Variants in SLC7A2 observed in about 807,000 individuals in gnomAD.
SLC7A2 encodes the protein solute carrier family 7 member 2.
SLC7A2 carries 48 observed loss-of-function variants against 58.9 expected under a neutral mutation model. The ratio of observed to expected loss-of-function variants is 0.82; its 90% confidence interval spans 0.65 to 1.04. The LOEUF (loss-of-function observed/expected upper bound fraction) is 1.04. Among genes scored for constraint, SLC7A2 ranks in the 50% least tolerant of loss-of-function variants. SLC7A2 has a pLI of 0.00. For synonymous variants in SLC7A2, 363 were observed against 314.5 expected (o/e 1.15, Z -1.63); for missense variants, 1,029 against 818.8 (o/e 1.26, Z -3.13).
chr8:17,528,840 A>G (rs1312309629), intron 2 of SLC7A2, among the ~76,000 whole-genome samples: 1 of 152,180 alleles, frequency 6.6e-6, no homozygotes, highest in Non-Finnish European at 1.5e-5. Flanking sequence ...GGTAAGAGTT[A>G]TAGGAGGAGA....
intron 2 of SLC7A2, chr8:17,520,882 G>A (rs531885419): frequency 2.8e-5 from 6 of 215,512 alleles, no homozygotes; most frequent in Admixed American, 2.0e-4. Context: ...ATATTTAAGT[G>A]TCTTAAAAGC....
At chr8:17,530,599 G>T (rs1040344057) in intron 2 of SLC7A2, among the ~76,000 whole-genome samples, 6 of 149,266 alleles carry the variant, frequency 4.0e-5, no homozygotes, top group Non-Finnish European at 8.9e-5. Context: ...TTGAGACAGG[G>T]TCTCTCTCTG....
intron 4 of SLC7A2, among the ~76,000 whole-genome samples, chr8:17,546,577 T>C (rs1372703542): frequency 2.0e-5 from 3 of 152,226 alleles, no homozygotes; most frequent in Non-Finnish European, 4.4e-5. Context: ...TAAAGGTGGC[T>C]TTGTTATTCT....
chr8:17,524,286 G>A (rs1260473777), intron 2 of SLC7A2, among the ~76,000 whole-genome samples: 1 of 152,088 alleles, frequency 6.6e-6, no homozygotes. Flanking sequence ...GTCATTATAT[G>A]AAAAAGATAC....
rs183980837 is a variant in SLC7A2, at chr8:17,543,182, C to G, written c.-22-136C>G. 91 of 791,076 alleles carry G rather than the reference C, an allele frequency of 1.2e-4. No individual in the cohort carries two copies. In the African/African-American group the frequency reaches 1.4e-3, roughly 12 times the overall value. 49.0% of individuals were successfully genotyped at this position (791,076 alleles called of 1,614,324 possible). On this transcript the variant is annotated intron_variant, in intron 2 of 12. Coordinates refer to ENST00000494857, the MANE Select transcript of SLC7A2 (RefSeq NM_001370338.1). ...CTCTGGGTCACTGCATCTCTTCTAACAAGTGAAACACACACACACACACAC... is the reference window on the plus strand; with the variant it reads ...CTCTGGGTCACTGCATCTCTTCTAAGAAGTGAAACACACACACACACACAC...
At position 17,538,949 on chromosome 8, in the gene SLC7A2, T is replaced by G. The variant is rs772742992; in HGVS notation, c.-22-4369T>G. ...TAAGATTTATTGTCAGGGCCTGGGA[T>G]ACTGATATAGAAGATTAAGTTTGAA... is the stretch of plus-strand genomic sequence containing the variant. On this transcript the variant is annotated intron_variant, in intron 2 of 12. Transcript: ENST00000494857. The G allele has an allele frequency of 1.9e-6, 3 of 1,600,156 alleles. No homozygotes were observed. In the South Asian group the frequency reaches 3.3e-5, roughly 18 times the overall value.
chr8:17,523,658 T>C (rs1167342976), intron 2 of SLC7A2, among the ~76,000 whole-genome samples: 1 of 152,138 alleles, frequency 6.6e-6, no homozygotes, highest in African/African-American at 2.4e-5. Flanking sequence ...ATCATAAAAG[T>C]TCTAGAAGAT....
Position 17,568,432 on chromosome 8 carries a change from A to G in SLC7A2, c.*3286A>G, listed in dbSNP as rs910620246. On this transcript the variant is annotated 3_prime_UTR_variant, in exon 13 of 13. Transcript: ENST00000494857. The stretch of plus-strand genomic sequence containing the variant: ...GATAAACATTGAGAGAACGAAAGCC[A>G]AAGTGTCATTTAAGAGAGATATATA... 1 of 152,146 alleles carries G rather than the reference A, an allele frequency of 6.6e-6. No homozygotes were observed. Among genetic ancestry groups the G allele is most frequent in the Non-Finnish European group, 1.5e-5 (1 of 68,016 alleles). The allele number at this position is 152,146 out of a possible 1,614,324, so 9.4% of individuals were successfully genotyped here.
chr8:17,537,046 A>G (rs1050855316), intron 2 of SLC7A2, among the ~76,000 whole-genome samples: 1 of 152,012 alleles, frequency 6.6e-6, no homozygotes, highest in Non-Finnish European at 1.5e-5. Flanking sequence ...TGAACACTGT[A>G]TGGCTTCTTT....
chr8:17,510,900 C>G (rs1217347270), intron 2 of SLC7A2: 1 of 152,164 alleles, frequency 6.6e-6, no homozygotes, highest in Non-Finnish European at 1.5e-5. Flanking sequence ...CACATATACA[C>G]CATGGAATAC....
At chr8:17,495,250 A>AT (rs1005463455), upstream of SLC7A2, among the ~76,000 whole-genome samples, 6 of 151,844 alleles carry the variant, frequency 4.0e-5, no homozygotes, top group Middle Eastern at 3.4e-3. Context: ...AGGAATCTCT[A>AT]TTTTTTTTAA....
intron 10 of SLC7A2, 59 bp from the exon 11 acceptor site, chr8:17,561,885 C>T: frequency 6.5e-7 from 1 of 1,544,070 alleles, no homozygotes; most frequent in Non-Finnish European, 8.9e-7. Context: ...CTGTTTTGCA[C>T]CAAGCAATCT....
chr8:17,496,796 G>C (rs7830597), upstream of SLC7A2, among the ~76,000 whole-genome samples: 2 of 151,944 alleles, frequency 1.3e-5, no homozygotes, highest in Non-Finnish European at 1.5e-5. Context: ...TTGAGGTTTG[G>C]TCCTCCCAGG....
chr8:17,562,643 A>G lies in SLC7A2; in HGVS notation c.1671+533A>G, dbSNP rs1328873622. On this transcript the variant is annotated intron_variant, in intron 11 of 12. Transcript: ENST00000494857. ...AATGAGAGTGTCAGAATCCTTCGAT[A>G]TGTTCCTTTTTGTACAGAATTCCTT... Among the ~76,000 whole-genome samples, 4 of 152,092 alleles carry G rather than the reference A, an allele frequency of 2.6e-5. No homozygotes were observed. In the South Asian group the frequency reaches 8.3e-4, roughly 31 times the overall value.
intron 1 of SLC7A2, chr8:17,500,347 T>C (rs1308969931): frequency 2.0e-5 from 3 of 152,256 alleles, no homozygotes; most frequent in Non-Finnish European, 4.4e-5. Flanking sequence ...ATTCCTCTTA[T>C]ATTTCCCTTT....
chr8:17,541,625 G>A (rs1054884548), intron 2 of SLC7A2, among the ~76,000 whole-genome samples: 7 of 152,134 alleles, frequency 4.6e-5, no homozygotes, highest in Admixed American at 4.6e-4. Context: ...TGTGGATAAT[G>A]TTCCTCAGTT....
rs533287972 is a variant in SLC7A2, at chr8:17,497,775, G to A, written c.-69+538G>A. Among the ~76,000 whole-genome samples, 5 of 152,312 alleles carry A rather than the reference G, an allele frequency of 3.3e-5. No individual in the cohort carries two copies. The South Asian group carries it at 1.0e-3, about 32-fold the overall frequency. The stretch of plus-strand genomic sequence containing the variant: ...CCCTTCACATTCTGCAGGGGACCTG[G>A]TAAAATAGCCCGTCTTGGTGTTTGT... On this transcript the variant is annotated intron_variant, in intron 1 of 12. Transcript: ENST00000494857.
intron 2 of SLC7A2, among the ~76,000 whole-genome samples, chr8:17,531,139 ATC>A (rs1475799086): frequency 9.2e-5 from 14 of 152,118 alleles, no homozygotes; most frequent in Non-Finnish European, 1.9e-4. Context: ...AAGATAGGAT[ATC>A]TCTCTCTCTG....
chr8:17,495,636 G>T (rs893868009), upstream of SLC7A2, among the ~76,000 whole-genome samples: 2 of 152,080 alleles, frequency 1.3e-5, no homozygotes, highest in African/African-American at 2.4e-5. Context: ...TGCAACCTCC[G>T]CCTCCTGGGC....
Sources: allele counts gnomAD v4.1 joint callset (sites outside exome capture counted in the v4.1 genomes callset), GRCh38; gene constraint gnomAD v4.1.1; transcripts MANE v1.5; gene names NCBI Gene and HGNC (gene_info 2026-07-23, HGNC 2026-07-21).